The following CCSER1 variants were observed in gnomAD, a reference collection of about 807,000 sequenced individuals.
CCSER1 encodes the protein coiled-coil serine rich protein 1.
Under a neutral mutation model 82.0 loss-of-function variants are expected in CCSER1, and 41 were observed. That is an observed-to-expected ratio of 0.50 (90% CI 0.39 to 0.65). The LOEUF is 0.65. Ranked by LOEUF, CCSER1 falls within the 30% of genes least tolerant of loss-of-function variation. The pLI is 0.00. For synonymous variants in CCSER1, 414 were observed against 383.9 expected, an observed-to-expected ratio of 1.08 and a Z score of -0.92; for missense variants, 1,119 against 1,064.2, an observed-to-expected ratio of 1.05 and a Z score of -0.72.
chr4:90,369,586 A>G (rs902266012), intron 3 of CCSER1, among the ~76,000 whole-genome samples: 11 of 152,070 alleles, frequency 7.2e-5, no homozygotes, highest in African/African-American at 2.4e-4. Flanking sequence ...ATTCAACAAT[A>G]TATCAAAAAT....
chr4:90,915,388 A>G (rs918119307), intron 8 of CCSER1, among the ~76,000 whole-genome samples: 1 of 152,222 alleles, frequency 6.6e-6, no homozygotes, highest in Non-Finnish European at 1.5e-5. Flanking sequence ...GTAACCCAGC[A>G]TATAAACAGA....
chr4:91,298,095 A>G (rs1192275349), intron 10 of CCSER1, among the ~76,000 whole-genome samples: 1 of 152,058 alleles, frequency 6.6e-6, no homozygotes, highest in Non-Finnish European at 1.5e-5. Context: ...GGCTGGGATG[A>G]CAAATAATAA....
At chr4:91,301,624 T>C (rs556380438) in intron 10 of CCSER1, among the ~76,000 whole-genome samples, 1 of 151,892 alleles carries the variant, frequency 6.6e-6, no homozygotes, top group South Asian at 2.1e-4. Context: ...TAACAACTGA[T>C]ATGTTTTTCT....
intron 6 of CCSER1, among the ~76,000 whole-genome samples, chr4:90,630,169 C>A (rs1724108548): frequency 6.6e-6 from 1 of 152,158 alleles, no homozygotes; most frequent in Admixed American, 6.5e-5. Context: ...TATTTGCCTG[C>A]AAATGAATAG....
intron 10 of CCSER1, among the ~76,000 whole-genome samples, chr4:91,494,046 A>C (rs753522740): frequency 5.3e-5 from 8 of 151,892 alleles, no homozygotes; most frequent in Admixed American, 2.0e-4. Context: ...ACAAAATGAA[A>C]TGGGGGACTT....
chr4:91,483,251 A>G (rs1449019749), intron 10 of CCSER1, among the ~76,000 whole-genome samples: 1 of 152,174 alleles, frequency 6.6e-6, no homozygotes, highest in Non-Finnish European at 1.5e-5. Context: ...TACAGAAGCT[A>G]GAGAAAAACA....
chr4:90,788,928 C>T (rs1233278226), intron 7 of CCSER1, among the ~76,000 whole-genome samples: 3 of 151,968 alleles, frequency 2.0e-5, no homozygotes, highest in Non-Finnish European at 4.4e-5. Context: ...CCCAGGCATT[C>T]CTCTTTCCCT....
chr4:90,587,731 T>A (rs367613339), intron 5 of CCSER1, among the ~76,000 whole-genome samples: 6 of 152,220 alleles, frequency 3.9e-5, no homozygotes, highest in Non-Finnish European at 5.9e-5. Flanking sequence ...AAAAATAATA[T>A]CCTTTAAATC....
chr4:90,717,071 G>A (rs576760031), intron 6 of CCSER1, among the ~76,000 whole-genome samples: 1 of 152,258 alleles, frequency 6.6e-6, no homozygotes, highest in African/African-American at 2.4e-5. Flanking sequence ...TGTGTTAGCT[G>A]AATGAGAGCA....
chr4:91,148,425 T>C (rs188459674), intron 10 of CCSER1, among the ~76,000 whole-genome samples: 153 of 152,210 alleles, frequency 1.0e-3, no homozygotes, highest in African/African-American at 3.6e-3. Context: ...ATTCCCTCCT[T>C]CATTTAATTA....
chr4:91,260,917 C>T (rs1045775108), intron 10 of CCSER1, among the ~76,000 whole-genome samples: 1 of 152,022 alleles, frequency 6.6e-6, no homozygotes, highest in Non-Finnish European at 1.5e-5. Flanking sequence ...CCCGCTACCA[C>T]GCCAGGCTAA....
chr4:90,634,423 A>G (rs1725055813), intron 6 of CCSER1, among the ~76,000 whole-genome samples: 3 of 151,820 alleles, frequency 2.0e-5, no homozygotes, highest in Admixed American at 2.0e-4. Context: ...TTTCAAGGAT[A>G]ATATTCAATG....
At chr4:91,201,322 T>G (rs1160110484) in intron 10 of CCSER1, among the ~76,000 whole-genome samples, 1 of 152,052 alleles carries the variant, frequency 6.6e-6, no homozygotes, top group African/African-American at 2.4e-5. Flanking sequence ...AGAAATAACC[T>G]ATAAGCTCAG....
chr4:90,470,662 T>C (rs1764234366), intron 5 of CCSER1, among the ~76,000 whole-genome samples: 1 of 151,138 alleles, frequency 6.6e-6, no homozygotes, highest in African/African-American at 2.4e-5. Context: ...GAGGTTCCTC[T>C]AGTGGTGATA....
intron 10 of CCSER1, among the ~76,000 whole-genome samples, chr4:91,335,814 T>G (rs574540076): frequency 1.7e-4 from 26 of 152,078 alleles, no homozygotes; most frequent in Non-Finnish European, 3.4e-4. Flanking sequence ...TAGGATTTTT[T>G]TTAGAGTTAG....
At chr4:90,842,713 G>A (rs1224727028) in intron 8 of CCSER1, among the ~76,000 whole-genome samples, 1 of 152,140 alleles carries the variant, frequency 6.6e-6, no homozygotes, top group African/African-American at 2.4e-5. Context: ...GTATAAGAAG[G>A]ATGCAGTTCA....
intron 7 of CCSER1, among the ~76,000 whole-genome samples, chr4:90,744,254 A>G (rs2149452862): frequency 6.6e-6 from 1 of 152,286 alleles, no homozygotes; most frequent in East Asian, 1.9e-4. Context: ...AACTATACGT[A>G]TTCGGTTATG....
At position 90,662,619 on chromosome 4, in the gene CCSER1, A is replaced by T. The variant is rs191594549; in HGVS notation, c.1932+34387A>T. Among the ~76,000 whole-genome samples the T allele has an allele frequency of 2.2e-3, 337 of 152,266 alleles. 2 individuals carry two copies. Among genetic ancestry groups the T allele is most frequent in the Non-Finnish European group, 3.4e-3 (232 of 68,016 alleles). On this transcript the variant is annotated intron_variant, in intron 6 of 10. Transcript: ENST00000509176. ...TTATTTATTCATTTGGGGAAATCTT[A>T]TACATTGTACAATATCTTAACTAAA...
chr4:90,309,480 A>T lies in CCSER1; in HGVS notation c.1196A>T (p.Gln399Leu), dbSNP rs1170649358. 3 of 1,613,892 alleles carry T rather than the reference A, an allele frequency of 1.9e-6. No homozygotes were observed. Among genetic ancestry groups the T allele is most frequent in the Non-Finnish European group, 2.5e-6 (3 of 1,179,800 alleles). Residue 399 changes from glutamine (Q) to leucine (L), a missense_variant, in exon 2 of 11, where the codon CAA becomes CTA. Coordinates refer to ENST00000509176, the MANE Select transcript of CCSER1 (RefSeq NM_001145065.2). Reference sequence around the variant, plus strand: ...CCAAGGAAACTTGGATTTTATGAGCAACATAAAGCAATAGCGGAACATGTA... The same window carrying T: ...CCAAGGAAACTTGGATTTTATGAGCTACATAAAGCAATAGCGGAACATGTA... ...NSPRKLGFYE[Q>L]HKAIAEHVKG...
Sources: gnomAD v4.1 joint callset for allele counts (sites outside exome capture counted in the v4.1 genomes callset) on GRCh38, gnomAD v4.1.1 for gene constraint, MANE v1.5 for transcripts, NCBI Gene and HGNC (gene_info 2026-07-23, HGNC 2026-07-21) for gene names.